The following MAPK10 variants were observed in gnomAD, a reference collection of about 807,000 sequenced individuals.
The protein encoded by MAPK10 is JNK3 alpha protein kinase.
A neutral mutation model predicts 59.3 loss-of-function variants in MAPK10; 25 were observed. The ratio of observed to expected loss-of-function variants is 0.42; its 90% CI spans 0.31 to 0.59. MAPK10 has a LOEUF of 0.59. Ranked by LOEUF, MAPK10 falls within the 20% of genes least tolerant of loss-of-function variation. MAPK10 has a pLI of 0.15. For synonymous variants in MAPK10, 190 were observed against 200.5 expected (o/e 0.95, Z 0.44); for missense variants, 351 against 568.9 (o/e 0.62, Z 3.90).
intron 1 of MAPK10, among the ~76,000 whole-genome samples, chr4:86,369,328 A>G (rs1738398586): frequency 2.6e-5 from 4 of 152,208 alleles, no homozygotes; most frequent in Admixed American, 2.6e-4. Context: ...CTTGCTAAAA[A>G]TTTCTAATAT....
chr4:86,191,987 A>T (rs1012108156), intron 3 of MAPK10: 4 of 152,096 alleles, frequency 2.6e-5, no homozygotes, highest in Non-Finnish European at 5.9e-5. Flanking sequence ...ATCTCTCAGC[A>T]TTTGCTTGTC....
intron 3 of MAPK10, among the ~76,000 whole-genome samples, chr4:86,187,736 A>G (rs1004739471): frequency 1.3e-5 from 2 of 152,162 alleles, no homozygotes; most frequent in Non-Finnish European, 2.9e-5. Flanking sequence ...TGAATTAGAA[A>G]CTAAACACCT....
chr4:86,397,297 C>CA (rs1743068137), intron 1 of MAPK10, among the ~76,000 whole-genome samples: 1 of 152,120 alleles, frequency 6.6e-6, no homozygotes. Flanking sequence ...TTTAGTCATT[C>CA]TTAATGAAAC....
chr4:86,264,515 AGGC>A (rs2094143389), intron 2 of MAPK10, among the ~76,000 whole-genome samples: 1 of 152,216 alleles, frequency 6.6e-6, no homozygotes, highest in African/African-American at 2.4e-5. Flanking sequence ...GCAATTTGTA[AGGC>A]TGCCAGAAAA....
intron 4 of MAPK10, among the ~76,000 whole-genome samples, chr4:86,131,300 A>G (rs147443948): frequency 5.4e-4 from 82 of 152,310 alleles, no homozygotes; most frequent in Non-Finnish European, 1.1e-3. Flanking sequence ...TCTAGCTAAC[A>G]GGCATACAGA....
chr4:86,502,118 A>G (rs1755374000), intron 1 of MAPK10, among the ~76,000 whole-genome samples: 1 of 152,006 alleles, frequency 6.6e-6, no homozygotes, highest in Non-Finnish European at 1.5e-5. Flanking sequence ...ATATTCTGAA[A>G]CCATTTTCTT....
chr4:86,193,293 T>G, intron 3 of MAPK10: 1 of 152,580 alleles, frequency 6.6e-6, no homozygotes, highest in Non-Finnish European at 1.5e-5. Context: ...CTGGGAGATC[T>G]GCTGCTCCCT....
chr4:86,211,275 A>G (rs2085729649), intron 2 of MAPK10, among the ~76,000 whole-genome samples: 1 of 152,108 alleles, frequency 6.6e-6, no homozygotes, highest in South Asian at 2.1e-4. Flanking sequence ...ATGCTAAGAC[A>G]CATTAAAATT....
intron 4 of MAPK10, among the ~76,000 whole-genome samples, chr4:86,114,386 T>C (rs1394629070): frequency 6.6e-6 from 1 of 152,142 alleles, no homozygotes; most frequent in Non-Finnish European, 1.5e-5. Flanking sequence ...TGCTGACCTT[T>C]GGACGGGGTT....
upstream of MAPK10, among the ~76,000 whole-genome samples, chr4:86,364,752 G>A (rs1374786838): frequency 6.6e-6 from 1 of 151,980 alleles, no homozygotes; most frequent in African/African-American, 2.4e-5. Context: ...AGGCTGAGGC[G>A]GGTGGATCAC....
At chr4:86,580,928 T>A (rs1228555149) in intron 1 of MAPK10, among the ~76,000 whole-genome samples, 1 of 152,168 alleles carries the variant, frequency 6.6e-6, no homozygotes, top group East Asian at 1.9e-4. Flanking sequence ...CCTGGAGTTG[T>A]GAAATCAAAG....
intron 2 of MAPK10, among the ~76,000 whole-genome samples, chr4:86,211,902 T>C (rs531544714): frequency 5.1e-4 from 77 of 152,178 alleles, no homozygotes; most frequent in African/African-American, 1.7e-3. Flanking sequence ...CTTCAACATA[T>C]TAAATGTATT....
chr4:86,504,605 G>A (rs1001423059), intron 1 of MAPK10, among the ~76,000 whole-genome samples: 4 of 152,052 alleles, frequency 2.6e-5, no homozygotes, highest in African/African-American at 7.2e-5. Flanking sequence ...CTAGCCAAAC[G>A]AAACCACTGC....
intron 1 of MAPK10, among the ~76,000 whole-genome samples, chr4:86,569,147 C>T (rs564672959): frequency 6.6e-6 from 1 of 151,980 alleles, no homozygotes; most frequent in African/African-American, 2.4e-5. Context: ...AGGACGTGAA[C>T]AGACACTTAT....
At chr4:86,191,316 C>T (rs1272846164) in intron 3 of MAPK10, among the ~76,000 whole-genome samples, 1 of 152,002 alleles carries the variant, frequency 6.6e-6, no homozygotes, top group Admixed American at 6.6e-5. Flanking sequence ...TTTTCTGCCT[C>T]GTTGATCTGT....
At chr4:86,493,359 C>T (rs887897571) in intron 1 of MAPK10, among the ~76,000 whole-genome samples, 1 of 152,168 alleles carries the variant, frequency 6.6e-6, no homozygotes, top group African/African-American at 2.4e-5. Flanking sequence ...GATCTTAACT[C>T]CTTATGCTAG....
intron 1 of MAPK10, among the ~76,000 whole-genome samples, chr4:86,571,481 A>C (rs1471918833): frequency 6.6e-6 from 1 of 151,972 alleles, no homozygotes. Flanking sequence ...TAAAAGGAAA[A>C]CTAGAGATAA....
Position 86,470,513 on chromosome 4 carries a change from GTCT to G in MAPK10, c.-262-115872_-262-115870del, listed in dbSNP as rs547487208. 2.2e-3 allele frequency among the ~76,000 whole-genome samples: 334 copies of G among 152,022 alleles called. 2 individuals carry two copies. The highest frequency in any genetic ancestry group is 3.7e-3 in the Non-Finnish European group (251 of 67,948). On this transcript the variant is annotated intron_variant, in intron 1 of 4. Coordinates refer to the MAPK10 transcript ENST00000502302. The stretch of plus-strand genomic sequence containing the variant: ...AAATAAATATTTGCTTTCCTATATT[GTCT>G]TCTTATTTTAATATTTACCTATTTC...
chr4:86,101,116 T>G lies in MAPK10; in HGVS notation c.666A>C (p.Pro222=). ...RTAGTSFMMT[P]YVVTRYYRAP... Reference sequence around the variant, plus strand: ...CTCTGTAATAACGTGTCACCACATATGGAGTCATCATGAAGCTTGTGCCTG... The same window carrying G: ...CTCTGTAATAACGTGTCACCACATAGGGAGTCATCATGAAGCTTGTGCCTG... The change falls in exon 8 of 14, where the codon CCA becomes CCC. Residue 222 remains proline (P), a synonymous_variant. Transcript: ENST00000641462. 6.2e-7 allele frequency: 1 copy of G among 1,613,988 alleles called. No individual in the cohort carries two copies. Among genetic ancestry groups the G allele is most frequent in the Non-Finnish European group, 8.5e-7 (1 of 1,179,898 alleles).
Sources: gnomAD v4.1 joint callset for allele counts (sites outside exome capture counted in the v4.1 genomes callset) on GRCh38, gnomAD v4.1.1 for gene constraint, MANE v1.5 for transcripts, NCBI Gene and HGNC (gene_info 2026-07-23, HGNC 2026-07-21) for gene names.